The following CARS2 variants were observed in gnomAD, a reference collection of about 807,000 sequenced individuals.
CARS2 encodes probable cysteine--tRNA ligase, mitochondrial.
In CARS2, 52 loss-of-function variants were observed where a neutral mutation model predicts 68.8. That is an observed-to-expected ratio of 0.76 (90% confidence interval 0.61 to 0.95). The LOEUF (loss-of-function observed/expected upper bound fraction) is 0.95. Ranked by LOEUF, CARS2 falls within the 40% of genes least tolerant of loss-of-function variation. The pLI, the probability that CARS2 is intolerant of heterozygous loss-of-function variation, is 0.00. For missense variants in CARS2, 780 were observed against 754.2 expected (o/e 1.03, Z -0.40); for synonymous variants, 314 against 303.6 (o/e 1.03, Z -0.36).
At chr13:110,689,402 C>G (rs1009496869) in intron 3 of CARS2, among the ~76,000 whole-genome samples, 1 of 152,236 alleles carries the variant, frequency 6.6e-6, no homozygotes, top group African/African-American at 2.4e-5. Context: ...CGCAACGCCA[C>G]ACGTGGGGCC....
intron 5 of CARS2, 29 bp downstream of exon 5, chr13:110,687,689 AAAG>A (rs1488400520): frequency 4.3e-6 from 6 of 1,392,662 alleles, no homozygotes; most frequent in Non-Finnish European, 4.9e-6. Flanking sequence ...AAAAAAAAAA[AAAG>A]AAAAAAAAAA....
upstream of CARS2, chr13:110,707,783 G>T (rs1463462548): frequency 1.3e-5 from 2 of 152,148 alleles, no homozygotes; most frequent in Non-Finnish European, 2.9e-5. Flanking sequence ...GTTTGCTTTG[G>T]TGTTTTATTA....
Position 110,665,154 on chromosome 13 carries a change from C to CA in CARS2, c.920-1637dup, listed in dbSNP as rs1324113117. The stretch of plus-strand genomic sequence containing the variant: ...GTAAAAAATCACTGAAAAATAGCCA[C>CA]AAAACTTTCCCACCACGTGCAGTGG... On this transcript the variant is annotated intron_variant, in intron 8 of 14. Transcript: ENST00000257347. This position sits in a 1 kb window ranked among gnomAD's most constrained non-coding sequence, Gnocchi z 4.3. 134 of 985,366 alleles carry CA rather than the reference C, an allele frequency of 1.4e-4. 1 individual carries two copies. The highest frequency in any genetic ancestry group is 6.8e-4 in the Admixed American group (11 of 16,276). 61.0% of individuals were successfully genotyped at this position (985,366 alleles called of 1,614,324 possible).
intron 9 of CARS2, among the ~76,000 whole-genome samples, chr13:110,652,788 A>C (rs2062253204): frequency 6.6e-6 from 1 of 152,190 alleles, no homozygotes. Context: ...AGGGGCCCAC[A>C]GAGAGAAGGT....
intron 10 of CARS2, among the ~76,000 whole-genome samples, chr13:110,647,572 T>C (rs768519614): frequency 6.6e-5 from 10 of 151,756 alleles, no homozygotes; most frequent in Non-Finnish European, 1.2e-4. Flanking sequence ...CCGCCCTGGA[T>C]GGATGGAGGT....
chr13:110,672,474 A>G (rs1312726134), intron 7 of CARS2, among the ~76,000 whole-genome samples: 1 of 152,248 alleles, frequency 6.6e-6, no homozygotes, highest in African/African-American at 2.4e-5. Flanking sequence ...TACTGGGTAC[A>G]TAATGAAATG....
At chr13:110,647,967 T>G (rs545392010) in intron 10 of CARS2, among the ~76,000 whole-genome samples, 1 of 152,280 alleles carries the variant, frequency 6.6e-6, no homozygotes, top group Non-Finnish European at 1.5e-5. Context: ...TTTTGAGGAG[T>G]GCTGCTTTAA....
upstream of CARS2, among the ~76,000 whole-genome samples, chr13:110,709,598 CCCTCGAACATCAGACTCCAAGT>C (rs1364474175): frequency 6.6e-6 from 1 of 152,164 alleles, no homozygotes; most frequent in Non-Finnish European, 1.5e-5. Context: ...GTGCTTCCTG[CCCTCGAACATCAGACTCCAAGT>C]TCTTCAGTTT....
Position 110,658,883 on chromosome 13 carries a change from C to G in CARS2, c.987+4568G>C, listed in dbSNP as rs142664148. ...GGTGGAGGTTGCAGTGAGCTGAGAT[C>G]ACGCCACTGTACTCCAGCCTGGGTG... On this transcript the variant is annotated intron_variant, in intron 9 of 14. Coordinates refer to ENST00000257347, the MANE Select transcript of CARS2 (RefSeq NM_024537.4). Among the ~76,000 whole-genome samples the G allele has an allele frequency of 2.3e-3, 351 of 152,166 alleles. 4 individuals carry two copies. Among genetic ancestry groups the G allele is most frequent in the African/African-American group, 8.2e-3 (339 of 41,510 alleles).
Position 110,691,575 on chromosome 13 carries a change from C to T in CARS2, c.394-3557G>A, listed in dbSNP as rs180883543. 2.9e-3 allele frequency among the ~76,000 whole-genome samples: 449 copies of T among 152,252 alleles called. 2 individuals carry two copies. The highest frequency in any genetic ancestry group is 4.9e-3 in the Non-Finnish European group (335 of 68,034). On this transcript the variant is annotated intron_variant, in intron 3 of 14. Transcript: ENST00000257347. Reference sequence around the variant, plus strand: ...TTAAATCTCTGACCTGCCTTGAATGCGGCTATGACGCCTCTATCTACCTCT... The same window carrying T: ...TTAAATCTCTGACCTGCCTTGAATGTGGCTATGACGCCTCTATCTACCTCT...
intron 14 of CARS2, 70 bp from the exon 15 acceptor site, chr13:110,641,678 T>TAATC: frequency 3.1e-6 from 4 of 1,283,578 alleles, no homozygotes; most frequent in Non-Finnish European, 3.4e-6. Context: ...CTGACAGGCG[T>TAATC]AATCAGGTTC....
chr13:110,667,940 C>A (rs2062693711), intron 7 of CARS2, among the ~76,000 whole-genome samples: 2 of 152,188 alleles, frequency 1.3e-5, no homozygotes, highest in Admixed American at 1.3e-4. Flanking sequence ...CTGTGCCATG[C>A]CTCCATAAAA....
chr13:110,700,154 T>G (rs2063742035), intron 3 of CARS2, among the ~76,000 whole-genome samples: 1 of 152,174 alleles, frequency 6.6e-6, no homozygotes. Flanking sequence ...ACACATCCAA[T>G]GAACCTGAGT....
chr13:110,669,121 C>T (rs1015431198), intron 7 of CARS2, among the ~76,000 whole-genome samples: 4 of 152,118 alleles, frequency 2.6e-5, no homozygotes, highest in Admixed American at 1.3e-4. Flanking sequence ...ATGACGGAAG[C>T]GTTTCCAGAT....
At chr13:110,709,475 G>A (rs1414554277), upstream of CARS2, among the ~76,000 whole-genome samples, 1 of 152,132 alleles carries the variant, frequency 6.6e-6, no homozygotes, top group Non-Finnish European at 1.5e-5. Context: ...GGTTAGAAAT[G>A]TGATCTTTTT....
intron 9 of CARS2, among the ~76,000 whole-genome samples, chr13:110,651,715 T>C (rs2062219859): frequency 6.6e-6 from 1 of 152,208 alleles, no homozygotes; most frequent in African/African-American, 2.4e-5. Flanking sequence ...GGTATCCTCC[T>C]ATAGATCAAT....
chr13:110,642,256 C>A, intron 14 of CARS2, 59 bp downstream of exon 14: 1 of 1,348,946 alleles, frequency 7.4e-7, no homozygotes, highest in Non-Finnish European at 1.0e-6. Context: ...GATGGCCCCA[C>A]GTCCTGTTGA....
chr13:110,695,229 C>T (rs897554394), intron 3 of CARS2, among the ~76,000 whole-genome samples: 9 of 151,810 alleles, frequency 5.9e-5, no homozygotes, highest in Non-Finnish European at 1.2e-4. Context: ...TGTAGTGAGC[C>T]GTGATTATGC....
rs1555351973 is a variant in CARS2, at chr13:110,677,093, G to T, written c.666C>A (p.Asp222Glu). 1 of 1,607,074 alleles carries T rather than the reference G, an allele frequency of 6.2e-7. No homozygotes were observed. Among genetic ancestry groups the T allele is most frequent in the Admixed American group, 1.7e-5 (1 of 59,700 alleles). ...PGPVGEPADSDKRHASDFALW... is the reference protein window; with the variant it reads ...PGPVGEPADSEKRHASDFALW... ...GGGCGAAGTCACTGGCATGACGCTT[G>T]TCAGAGTCCGCTGCAGATGACAAAC... The change falls in exon 7 of 15, where the codon GAC becomes GAA. Residue 222 changes from aspartate to glutamate, a missense_variant. By Grantham distance (45) the Asp-to-Glu change is conservative. Transcript: ENST00000257347.
Sources: gnomAD v4.1 joint callset for allele counts (sites outside exome capture counted in the v4.1 genomes callset) on GRCh38, gnomAD v4.1.1 for gene constraint, Gnocchi (gnomAD v3.1) non-coding constraint, MANE v1.5 for transcripts, NCBI Gene and HGNC (gene_info 2026-07-23, HGNC 2026-07-21) for gene names.